NCAPD3: variants seen among roughly 807,000 people sequenced by gnomAD.
The protein encoded by NCAPD3 is non-SMC condensin II complex subunit D3.
Under a neutral mutation model 182.9 loss-of-function variants are expected in NCAPD3, and 105 were observed. The observed-to-expected ratio is 0.57, with a 90% confidence interval of 0.49 to 0.68. The LOEUF is 0.68. NCAPD3 is among the 30% of genes least tolerant of loss of function. The pLI, the probability that NCAPD3 is intolerant of heterozygous loss-of-function variation, is 0.00. For missense variants in NCAPD3, 1,944 were observed against 1,837.0 expected (o/e 1.06, Z -1.07); for synonymous variants, 815 against 679.9 (o/e 1.20, Z -3.09).
In NCAPD3 at chr11:134,158,053, C is replaced by G. The variant is rs774856829; in HGVS notation, c.4049G>C (p.Ser1350Thr). Residue 1350 changes from serine to threonine, a missense_variant, in exon 31 of 35, where the codon AGC becomes ACC. Ser to Thr is a moderately conservative substitution (Grantham distance 58). This residue lies in a region of NCAPD3 where 1,803 missense variants were observed against 1,674.6 expected (regional missense o/e 1.08). Coordinates refer to ENST00000534548, the MANE Select transcript of NCAPD3 (RefSeq NM_015261.3). Reference sequence around the variant, plus strand: ...GACAGAATTCAGGATTGCAATGGTGCTCAGGGACATGGGCCTGTGGAGAAC... The same window carrying G: ...GACAGAATTCAGGATTGCAATGGTGGTCAGGGACATGGGCCTGTGGAGAAC... ...LLPKARPMSL[S>T]TIAILNSVKK... The G allele has an allele frequency of 6.2e-7, 1 of 1,613,948 alleles. No homozygotes were observed. The highest frequency in any genetic ancestry group is 8.5e-7 in the Non-Finnish European group (1 of 1,179,940).
At chr11:134,189,579 T>G (rs1944481848) in intron 16 of NCAPD3, among the ~76,000 whole-genome samples, 1 of 152,222 alleles carries the variant, frequency 6.6e-6, no homozygotes, top group Non-Finnish European at 1.5e-5. Flanking sequence ...TTTCCTCTAC[T>G]ACTTATTGTA....
intron 8 of NCAPD3, among the ~76,000 whole-genome samples, chr11:134,205,539 C>T (rs533474995): frequency 6.6e-6 from 1 of 152,160 alleles, no homozygotes; most frequent in South Asian, 2.1e-4. Context: ...GCCACCACGC[C>T]TAGTTTCTGT....
In NCAPD3 at chr11:134,210,360, C is replaced by A. The variant is rs759074373; in HGVS notation, c.477G>T (p.Arg159=). The change falls in exon 4 of 35, where the codon CGG becomes CGT. Residue 159 remains arginine (R), a synonymous_variant. Transcript: ENST00000534548. The part of the protein sequence containing the change: ...KSWPQESNLN[R]KRKKEQPKSS... Reference sequence around the variant, plus strand: ...TCTTAGGCTGTTCTTTCTTTCTTTTCCGATTCAAGTTAGATTCCTGGGGCC... The same window carrying A: ...TCTTAGGCTGTTCTTTCTTTCTTTTACGATTCAAGTTAGATTCCTGGGGCC... 1.2e-6 allele frequency: 2 copies of A among 1,614,112 alleles called. No individual in the cohort carries two copies. Among genetic ancestry groups the A allele is most frequent in the Non-Finnish European group, 1.7e-6 (2 of 1,180,022 alleles).
chr11:134,196,959 G>GC (rs1436234742), intron 13 of NCAPD3, among the ~76,000 whole-genome samples: 1 of 152,160 alleles, frequency 6.6e-6, no homozygotes, highest in East Asian at 1.9e-4. Flanking sequence ...GTAACACCCA[G>GC]TGCTGGAGGC....
In NCAPD3 at chr11:134,168,928, G is replaced by C; in HGVS notation, c.3228C>G (p.Pro1076=). 1 of 1,613,182 alleles carries C rather than the reference G, an allele frequency of 6.2e-7. No homozygotes were observed. Among genetic ancestry groups the C allele is most frequent in the Non-Finnish European group, 8.5e-7 (1 of 1,179,536 alleles). The change falls in exon 25 of 35, where the codon CCC becomes CCG. Residue 1076 remains proline (P), a synonymous_variant. Transcript: ENST00000534548. ...GCTGCTTCACTGACCTCTCTGACTG[G>C]GGGAACTTGTTGTACTTCTCATGCT... ...YEKHEKYNKF[P]QSEREKRLFS...
rs1450992362 is a variant in NCAPD3 at position 134,181,200 on chromosome 11, A to G, written c.2452-16T>C. On this transcript the variant is annotated splice_polypyrimidine_tract_variant and intron_variant, in intron 19 of 34. Coordinates refer to ENST00000534548, the MANE Select transcript of NCAPD3 (RefSeq NM_015261.3). ...TCAGCAATTCCTACGGCAAGTCAAA[A>G]GTCATCTCTGAAGGGCCCCGCACAT... The G allele has an allele frequency of 2.5e-6, 4 of 1,589,356 alleles. No individual in the cohort carries two copies. In the East Asian group the frequency reaches 8.9e-5, roughly 36 times the overall value.
intron 16 of NCAPD3, among the ~76,000 whole-genome samples, chr11:134,189,202 A>G (rs1186856196): frequency 6.6e-6 from 1 of 152,132 alleles, no homozygotes; most frequent in Non-Finnish European, 1.5e-5. Context: ...TTCATCATTA[A>G]TATTATTTAT....
chr11:134,195,086 A>C (rs567103794), intron 13 of NCAPD3, among the ~76,000 whole-genome samples: 19 of 152,296 alleles, frequency 1.2e-4, no homozygotes, highest in Non-Finnish European at 2.6e-4. Flanking sequence ...CAGCAGCTTT[A>C]AAATGTTTGA....
Position 134,158,487 on chromosome 11 carries a change from C to A in NCAPD3, c.3876G>T (p.Leu1292=). 14 of 1,613,644 alleles carry A rather than the reference C, an allele frequency of 8.7e-6. No homozygotes were observed. The highest frequency in any genetic ancestry group is 1.2e-5 in the Non-Finnish European group (14 of 1,179,936). Residue 1292 remains leucine (L), a synonymous_variant, in exon 30 of 35, where the codon CTG becomes CTT. Coordinates refer to ENST00000534548, the MANE Select transcript of NCAPD3 (RefSeq NM_015261.3). ...CAGGAACTGGCACTGTTTCTAAACA[C>A]AGGGCAACCTGGTAGAGAAGATAAA... ...AEVAPVAQVA[L]CLETVPVPAG... is the part of the protein sequence containing the mutation.
chr11:134,173,033 C>T (rs1416802305), intron 24 of NCAPD3: 3 of 152,746 alleles, frequency 2.0e-5, no homozygotes, highest in African/African-American at 7.4e-5. Flanking sequence ...AGTGCAAGGA[C>T]CTGCAGGGGA....
chr11:134,185,240 T>C, intron 17 of NCAPD3, 95 bp downstream of exon 17: 11 of 1,135,046 alleles, frequency 9.7e-6, no homozygotes, highest in Non-Finnish European at 1.4e-5. Flanking sequence ...GGTCTCTGTA[T>C]ATGAATAGCT....
At chr11:134,193,205 T>C (rs745731104) in intron 15 of NCAPD3, among the ~76,000 whole-genome samples, 12 of 152,294 alleles carry the variant, frequency 7.9e-5, no homozygotes, top group Non-Finnish European at 1.8e-4. Flanking sequence ...AAAGAGCAAT[T>C]AGAACAGATG....
In NCAPD3 at chr11:134,177,214, C is replaced by A; in HGVS notation, c.3021+5G>T. The A allele has an allele frequency of 3.7e-6, 6 of 1,604,826 alleles. No homozygotes were observed. The highest frequency in any genetic ancestry group is 1.7e-5 in the Admixed American group (1 of 60,014). ...GGAAAGGACAGATTGAACCCCCCTA[C>A]GCACCTGCAAGAGATTGGTAAGCAA... is the stretch of plus-strand genomic sequence containing the variant. On this transcript the variant is annotated splice_donor_5th_base_variant and intron_variant, in intron 23 of 34. Transcript: ENST00000534548.
intron 24 of NCAPD3, among the ~76,000 whole-genome samples, chr11:134,171,032 T>C (rs1446386855): frequency 6.6e-6 from 1 of 151,422 alleles, no homozygotes; most frequent in Non-Finnish European, 1.5e-5. Flanking sequence ...TTCCAAGTAA[T>C]GCTTCCTAGA....
intron 19 of NCAPD3, chr11:134,183,256 A>G (rs1944333719): frequency 2.3e-6 from 1 of 437,252 alleles, no homozygotes; most frequent in Non-Finnish European, 4.6e-6. Context: ...TTGTGGTTTC[A>G]TAGTCTGTAA....
In NCAPD3 at chr11:134,168,783, C is replaced by T. The variant is rs77231482; in HGVS notation, c.3239+134G>A. On this transcript the variant is annotated intron_variant, in intron 25 of 34. Coordinates refer to ENST00000534548, the MANE Select transcript of NCAPD3 (RefSeq NM_015261.3). ...ATTCTCACGACTGTATTTTCTTACGCCATCCTGCCAAGCCACAGTAAAGAC... is the reference window on the plus strand; with the variant it reads ...ATTCTCACGACTGTATTTTCTTACGTCATCCTGCCAAGCCACAGTAAAGAC... 2.0e-3 allele frequency: 2,739 copies of T among 1,392,556 alleles called. 36 individuals carry two copies. The African/African-American group carries it at 0.034, about 17-fold the overall frequency. The allele number at this position is 1,392,556 out of a possible 1,614,324, so 86.3% of individuals were successfully genotyped here. A position where few individuals can be genotyped will look rare whatever the true frequency, so the allele number is the denominator to read the frequency against.
In NCAPD3 at chr11:134,153,582, TCAGG is replaced by T. The variant is rs1943326550; in HGVS notation, c.4253-223_4253-220del. ...GACCCCCTTCTCTGACCCGCAGCCCTCAGGCACTCGGCTGGCCCCTGGGCCTCAC... is the reference window on the plus strand; with the variant it reads ...GACCCCCTTCTCTGACCCGCAGCCCTCACTCGGCTGGCCCCTGGGCCTCAC... On this transcript the variant is annotated intron_variant, in intron 32 of 34. Transcript: ENST00000534548. 1.7e-5 allele frequency: 10 copies of T among 584,322 alleles called. No homozygotes were observed. The East Asian group carries it at 2.9e-4, about 17-fold the overall frequency. The allele number at this position is 584,322 out of a possible 1,614,324, so 36.2% of individuals were successfully genotyped here. A position where few individuals can be genotyped will look rare whatever the true frequency, so the allele number is the denominator to read the frequency against.
rs146996321 is a variant in NCAPD3 at position 134,188,192 on chromosome 11, A to G, written c.2046-2666T>C. ...TCTGTGCCCAGCTAAAGGATTATAA[A>G]TGCACCAATTAGCACTCTGTAAAAA... On this transcript the variant is annotated intron_variant, in intron 16 of 34. Coordinates refer to ENST00000534548, the MANE Select transcript of NCAPD3 (RefSeq NM_015261.3). 1.0e-3 allele frequency among the ~76,000 whole-genome samples: 152 copies of G among 152,236 alleles called. 1 individual carries two copies. The highest frequency in any genetic ancestry group is 2.9e-4 in the Non-Finnish European group (20 of 68,008).
chr11:134,225,008 C>A (rs1467376984), upstream of NCAPD3: 2 of 992,800 alleles, frequency 2.0e-6, no homozygotes, highest in Non-Finnish European at 2.7e-6. Flanking sequence ...CAGGCAGCCC[C>A]GCGGCGGCCG....
Sources: allele counts gnomAD v4.1 joint callset (sites outside exome capture counted in the v4.1 genomes callset), GRCh38; gene constraint gnomAD v4.1.1; regional missense constraint gnomAD v4.1.1; transcripts MANE v1.5; gene names NCBI Gene and HGNC (gene_info 2026-07-23, HGNC 2026-07-21).